Variants in ASTN2 observed in about 807,000 individuals in gnomAD.
ASTN2 encodes the protein astrotactin-2.
In ASTN2, 54 loss-of-function variants were observed where a neutral mutation model predicts 139.8. That is an observed-to-expected ratio of 0.39 (90% CI 0.31 to 0.48). The LOEUF (loss-of-function observed/expected upper bound fraction) is 0.48, where lower values mean the gene tolerates loss of function less well. Among genes scored for constraint, ASTN2 ranks in the 20% least tolerant of loss-of-function variants. The probability of loss-of-function intolerance (pLI) is 0.95; values close to 1 mark genes in which losing one functional copy is unlikely to be tolerated. For synonymous variants in ASTN2, 756 were observed against 719.5 expected (o/e 1.05, Z -0.81); for missense variants, 1,565 against 1,725.1 (o/e 0.91, Z 1.64).
intron 10 of ASTN2, among the ~76,000 whole-genome samples, chr9:116,884,485 T>A (rs1394932203): frequency 1.3e-5 from 2 of 152,118 alleles, no homozygotes; most frequent in African/African-American, 4.8e-5. Context: ...CTTCACATGG[T>A]CTTTCCTCTG....
chr9:117,380,176 A>C (rs147423585), intron 1 of ASTN2, among the ~76,000 whole-genome samples: 2 of 152,318 alleles, frequency 1.3e-5, no homozygotes, highest in African/African-American at 4.8e-5. Flanking sequence ...CTGAAAATAC[A>C]ATAGAAGGGT....
At chr9:116,594,338 T>C (rs1253106491) in intron 19 of ASTN2, among the ~76,000 whole-genome samples, 1 of 152,198 alleles carries the variant, frequency 6.6e-6, no homozygotes, top group Non-Finnish European at 1.5e-5. Context: ...ACAGAATGAG[T>C]ACACATCTTC....
At chr9:116,437,981 T>C (rs1433972688) in intron 22 of ASTN2, among the ~76,000 whole-genome samples, 3 of 152,200 alleles carry the variant, frequency 2.0e-5, no homozygotes, top group Admixed American at 1.3e-4. Context: ...AAGGCAGAAC[T>C]GGCCTCCATG....
intron 1 of ASTN2, among the ~76,000 whole-genome samples, chr9:117,307,749 C>T (rs1835039015): frequency 6.6e-6 from 1 of 152,206 alleles, no homozygotes; most frequent in African/African-American, 2.4e-5. Flanking sequence ...CATACCCAAG[C>T]CCTCATGTGT....
intron 1 of ASTN2, among the ~76,000 whole-genome samples, chr9:117,321,018 C>T (rs1828308303): frequency 6.6e-6 from 1 of 152,234 alleles, no homozygotes; most frequent in South Asian, 2.1e-4. Flanking sequence ...ATCTCCTCCA[C>T]AACTCTGTCA....
intron 13 of ASTN2, among the ~76,000 whole-genome samples, chr9:116,746,732 C>G (rs1006066110): frequency 1.3e-5 from 2 of 152,034 alleles, no homozygotes; most frequent in African/African-American, 4.8e-5. Context: ...GATGTTCCTT[C>G]TTTGTGTTTG....
chr9:116,711,236 T>A (rs1261117630), intron 16 of ASTN2, among the ~76,000 whole-genome samples: 1 of 152,238 alleles, frequency 6.6e-6, no homozygotes, highest in Non-Finnish European at 1.5e-5. Flanking sequence ...GCATATTAAC[T>A]CCAGCCTATT....
In ASTN2 at chr9:116,566,365, C is replaced by A. The variant is rs1853234183; in HGVS notation, c.3355+51959G>T. 2.6e-5 allele frequency among the ~76,000 whole-genome samples: 4 copies of A among 152,118 alleles called. No individual in the cohort carries two copies. The South Asian group carries it at 8.3e-4, about 32-fold the overall frequency. On this transcript the variant is annotated intron_variant, in intron 19 of 22. Coordinates refer to ENST00000313400, the MANE Select transcript of ASTN2 (RefSeq NM_001365068.1). ...CTCAATCCTTTGTTTTTCTATGTAG[C>A]CTTTACTGACAGCCTCCTTAGCCAT...
chr9:117,064,414 G>C (rs957756250), intron 5 of ASTN2, among the ~76,000 whole-genome samples: 8 of 152,154 alleles, frequency 5.3e-5, no homozygotes, highest in Non-Finnish European at 1.2e-4. Flanking sequence ...TGTATCAAAT[G>C]GGGAAACTGG....
At chr9:117,020,068 T>C (rs1367566645) in intron 6 of ASTN2, among the ~76,000 whole-genome samples, 1 of 146,586 alleles carries the variant, frequency 6.8e-6, no homozygotes, top group Non-Finnish European at 1.5e-5. Context: ...GTAGCAAAAA[T>C]TCTAGAAGGA....
chr9:117,248,243 C>T (rs16934424), intron 2 of ASTN2, among the ~76,000 whole-genome samples: 10,879 of 152,202 alleles, frequency 0.071, 764 homozygotes, highest in African/African-American at 0.18. Context: ...TGAGTACACA[C>T]TTAGGATGCT....
chr9:116,630,770 G>C (rs946433353), intron 17 of ASTN2, among the ~76,000 whole-genome samples: 1 of 152,102 alleles, frequency 6.6e-6, no homozygotes, highest in African/African-American at 2.4e-5. Flanking sequence ...AGAGGGAAAA[G>C]ACAAAGTACA....
intron 13 of ASTN2, among the ~76,000 whole-genome samples, chr9:116,745,663 T>C (rs1588259418): frequency 6.6e-6 from 1 of 152,186 alleles, no homozygotes; most frequent in Non-Finnish European, 1.5e-5. Flanking sequence ...CAGTCCCTAA[T>C]AGCTGTTCTT....
chr9:116,921,532 G>A (rs544751272), intron 10 of ASTN2, among the ~76,000 whole-genome samples: 101 of 148,212 alleles, frequency 6.8e-4, no homozygotes, highest in Non-Finnish European at 1.3e-3. Flanking sequence ...AGCTTGCAGT[G>A]AGCCGAGATT....
At chr9:116,889,465 C>T (rs995994510) in intron 10 of ASTN2, among the ~76,000 whole-genome samples, 1 of 152,128 alleles carries the variant, frequency 6.6e-6, no homozygotes, top group African/African-American at 2.4e-5. Context: ...CCGGGTCCAT[C>T]TCTAATGAGG....
In ASTN2 at chr9:116,976,799, G is replaced by C; in HGVS notation, c.1592-14C>G. ...AGCTGCACTCTCCTGTAAGTGAAAA[G>C]AAAAAAGATTATTGTTAAGTAGAGT... On this transcript the variant is annotated splice_polypyrimidine_tract_variant and intron_variant, in intron 7 of 22. Transcript: ENST00000313400. 6.2e-7 allele frequency: 1 copy of C among 1,611,712 alleles called. No individual in the cohort carries two copies. The highest frequency in any genetic ancestry group is 8.5e-7 in the Non-Finnish European group (1 of 1,178,542).
chr9:116,791,184 T>C (rs538404117), intron 13 of ASTN2, among the ~76,000 whole-genome samples: 1 of 152,182 alleles, frequency 6.6e-6, no homozygotes, highest in East Asian at 1.9e-4. Flanking sequence ...AGACCTGATA[T>C]ATAACAGATG....
At position 116,763,865 on chromosome 9, in the gene ASTN2, A is replaced by T. The variant is rs570217279; in HGVS notation, c.2397-30342T>A. 2.6e-5 allele frequency among the ~76,000 whole-genome samples: 4 copies of T among 152,314 alleles called. No individual in the cohort carries two copies. In the South Asian group the frequency reaches 8.3e-4, roughly 32 times the overall value. ...GCAAAGCACTGAGCTAGGCCATTGC[A>T]GGTGGGTCTCTGCGAGAGGGTGAGG... On this transcript the variant is annotated intron_variant, in intron 13 of 22. Transcript: ENST00000313400.
chr9:116,878,714 T>TA (rs201533054), intron 10 of ASTN2, among the ~76,000 whole-genome samples: 2,026 of 151,882 alleles, frequency 0.013, 19 homozygotes, highest in Non-Finnish European at 0.018. Context: ...CTTATTTTTT[T>TA]AAAAAAAGAA....
Sources: gnomAD v4.1 joint callset for allele counts (sites outside exome capture counted in the v4.1 genomes callset) on GRCh38, gnomAD v4.1.1 for gene constraint, MANE v1.5 for transcripts, NCBI Gene and HGNC (gene_info 2026-07-23, HGNC 2026-07-21) for gene names.